Variants in FSIP1 observed in about 807,000 individuals in gnomAD.
FSIP1 encodes fibrous sheath interacting protein 1.
Under a neutral mutation model 60.9 loss-of-function variants are expected in FSIP1, and 65 were observed. That is an observed-to-expected ratio of 1.07 (90% CI 0.87 to 1.31). The LOEUF (loss-of-function observed/expected upper bound fraction) is 1.31. FSIP1 is among the 40% of genes most tolerant of loss of function. FSIP1 has a pLI of 0.00. For missense variants in FSIP1, 675 were observed against 665.5 expected (o/e 1.01, Z -0.16); for synonymous variants, 209 against 221.2 (o/e 0.94, Z 0.49).
At chr15:39,757,741 A>G (rs1174388786) in intron 5 of FSIP1, among the ~76,000 whole-genome samples, 1 of 152,172 alleles carries the variant, frequency 6.6e-6, no homozygotes, top group Non-Finnish European at 1.5e-5. Context: ...TGAAGAAGCC[A>G]GTAATACAAT....
intron 8 of FSIP1, among the ~76,000 whole-genome samples, chr15:39,728,535 G>A (rs758230866): frequency 4.6e-5 from 7 of 152,074 alleles, no homozygotes; most frequent in Non-Finnish European, 1.0e-4. Flanking sequence ...CAAACAATGG[G>A]GAAAAGGACT....
intron 8 of FSIP1, among the ~76,000 whole-genome samples, chr15:39,732,725 AGTCT>A (rs1896457181): frequency 6.6e-6 from 1 of 152,058 alleles, no homozygotes; most frequent in Non-Finnish European, 1.5e-5. Context: ...CATATCATTT[AGTCT>A]TCTTTAAGCT....
intron 10 of FSIP1, among the ~76,000 whole-genome samples, chr15:39,653,643 T>C (rs1390859498): frequency 6.6e-6 from 1 of 152,200 alleles, no homozygotes; most frequent in African/African-American, 2.4e-5. Flanking sequence ...AATTGAATCA[T>C]GGGGTCAGGT....
intron 2 of FSIP1, among the ~76,000 whole-genome samples, chr15:39,772,503 T>C (rs1038662405): frequency 6.6e-6 from 1 of 151,804 alleles, no homozygotes; most frequent in African/African-American, 2.4e-5. Context: ...CCATATTGCC[T>C]AGGCTGGTCT....
chr15:39,732,619 CAAA>C (rs56106819), intron 8 of FSIP1, among the ~76,000 whole-genome samples: 841 of 80,080 alleles, frequency 0.011, 1 homozygote, highest in African/African-American at 0.033. Flanking sequence ...AACTCCATCT[CAAA>C]AAAAAAAAAA....
chr15:39,724,288 T>A (rs1896100620), intron 9 of FSIP1, among the ~76,000 whole-genome samples: 1 of 151,838 alleles, frequency 6.6e-6, no homozygotes, highest in Middle Eastern at 3.4e-3. Context: ...AGTCTCACTC[T>A]GTCGCCCAGG....
Position 39,765,646 on chromosome 15 carries a change from T to A in FSIP1, c.411A>T (p.Lys137Asn), listed in dbSNP as rs1183759234. ...KILAKKQRRE[K>N]EIKKQGLEMR... is the part of the protein sequence containing the mutation. ...TTTCTAGACCTTGCTTCTTAATTTC[T>A]TTTTCTCTGCGTTGTTTCTTTGCCA... The change falls in exon 4 of 12, where the codon AAA becomes AAT. Residue 137 changes from lysine (K) to asparagine (N), a missense_variant. Lys to Asn is a moderately conservative substitution (Grantham distance 94, BLOSUM62 0). Transcript: ENST00000350221. 6.2e-7 allele frequency: 1 copy of A among 1,604,592 alleles called. No homozygotes were observed.
intron 10 of FSIP1, among the ~76,000 whole-genome samples, chr15:39,669,985 C>G (rs1893651751): frequency 6.6e-6 from 1 of 152,196 alleles, no homozygotes; most frequent in East Asian, 1.9e-4. Context: ...TCCAACCCTC[C>G]CGGAAACTGG....
At chr15:39,616,690 C>T (rs1034879864) in intron 11 of FSIP1, among the ~76,000 whole-genome samples, 1 of 152,166 alleles carries the variant, frequency 6.6e-6, no homozygotes, top group African/African-American at 2.4e-5. Flanking sequence ...AGACACTGAA[C>T]AAGTTAAGGA....
intron 10 of FSIP1, among the ~76,000 whole-genome samples, chr15:39,699,671 A>G (rs2631696): frequency 0.82 from 123,932 of 152,038 alleles, 50,952 homozygotes; most frequent in Non-Finnish European, 0.87. Flanking sequence ...CCTGTCATCC[A>G]GAGTGGATGA....
Position 39,710,714 on chromosome 15 carries a change from T to C in FSIP1, c.1188+2730A>G, listed in dbSNP as rs376393167. 3.3e-5 allele frequency among the ~76,000 whole-genome samples: 5 copies of C among 152,370 alleles called. 1 individual carries two copies. Among genetic ancestry groups the C allele is most frequent in the Admixed American group, 6.5e-5 (1 of 15,312 alleles). On this transcript the variant is annotated intron_variant, in intron 10 of 11. Transcript: ENST00000350221. ...TATTAAATGTTAACCATTTGAATCC[T>C]ACCTCCTCCACTTACTAGCTGTATA...
At chr15:39,604,131 G>A (rs575018728) in intron 11 of FSIP1, among the ~76,000 whole-genome samples, 13 of 152,302 alleles carry the variant, frequency 8.5e-5, no homozygotes, top group African/African-American at 2.9e-4. Context: ...GGGTTTCTCC[G>A]TGTTGGTTAG....
intron 10 of FSIP1, among the ~76,000 whole-genome samples, chr15:39,620,749 A>C (rs1015340295): frequency 6.8e-6 from 1 of 146,506 alleles, no homozygotes; most frequent in Admixed American, 6.8e-5. Flanking sequence ...CCACCACCAC[A>C]CCTGGCTAAT....
Position 39,623,017 on chromosome 15 carries a change from TA to T in FSIP1, c.1189-4773del, listed in dbSNP as rs879375847. ...TATAGTGCCCTCTCTTTTAGCTCAT[TA>T]AAAAAAAAAACCCAGCCACAGCTCC... On this transcript the variant is annotated intron_variant, in intron 10 of 11. Coordinates refer to ENST00000350221, the MANE Select transcript of FSIP1 (RefSeq NM_152597.5). 6.9e-3 allele frequency among the ~76,000 whole-genome samples: 1,001 copies of T among 146,096 alleles called. 8 individuals are homozygous for T. The highest frequency in any genetic ancestry group is 0.01 in the Non-Finnish European group (686 of 66,014).
chr15:39,626,394 C>A (rs75923526), intron 10 of FSIP1, among the ~76,000 whole-genome samples: 6 of 152,264 alleles, frequency 3.9e-5, no homozygotes, highest in African/African-American at 1.4e-4. Context: ...GTATCCAAAA[C>A]CCTCCACCTT....
chr15:39,621,842 G>A (rs1473216740), intron 10 of FSIP1, among the ~76,000 whole-genome samples: 2 of 152,210 alleles, frequency 1.3e-5, no homozygotes, highest in African/African-American at 4.8e-5. Flanking sequence ...GTGCAATACA[G>A]ATTGGAAACT....
chr15:39,718,273 C>T (rs1405071890), intron 9 of FSIP1, among the ~76,000 whole-genome samples: 3 of 150,366 alleles, frequency 2.0e-5, no homozygotes, highest in African/African-American at 7.5e-5. Flanking sequence ...CATATATATA[C>T]ACACACACAA....
At chr15:39,757,890 T>C (rs1897351144) in intron 5 of FSIP1, among the ~76,000 whole-genome samples, 1 of 152,154 alleles carries the variant, frequency 6.6e-6, no homozygotes, top group Non-Finnish European at 1.5e-5. Flanking sequence ...GACCCTACTT[T>C]TGCATCTTAC....
At chr15:39,606,544 A>G (rs1320352515) in intron 11 of FSIP1, among the ~76,000 whole-genome samples, 3 of 152,196 alleles carry the variant, frequency 2.0e-5, no homozygotes, top group African/African-American at 7.2e-5. Flanking sequence ...GCTATAGACT[A>G]TTAGAACTTA....
Sources: gnomAD v4.1 joint callset for allele counts (sites outside exome capture counted in the v4.1 genomes callset) on GRCh38, gnomAD v4.1.1 for gene constraint, MANE v1.5 for transcripts, NCBI Gene and HGNC (gene_info 2026-07-23, HGNC 2026-07-21) for gene names.